FYN: variants seen among roughly 807,000 people sequenced by gnomAD.
FYN encodes FYN proto-oncogene, Src family tyrosine kinase.
FYN carries 10 observed loss-of-function variants against 70.2 expected under a neutral mutation model. The observed-to-expected ratio is 0.14, with a 90% CI of 0.09 to 0.24. FYN has a LOEUF of 0.24. FYN is among the 10% of genes least tolerant of loss of function. The probability of loss-of-function intolerance (pLI) is 1.00; values close to 1 mark genes in which losing one functional copy is unlikely to be tolerated. For missense variants in FYN, 319 were observed against 673.1 expected (o/e 0.47, Z 5.82); for synonymous variants, 236 against 248.6 (o/e 0.95, Z 0.48).
At chr6:111,664,895 A>G (rs779744091) in intron 13 of FYN, among the ~76,000 whole-genome samples, 1 of 152,224 alleles carries the variant, frequency 6.6e-6, no homozygotes, top group Non-Finnish European at 1.5e-5. Flanking sequence ...TGACAATGAC[A>G]ATTGGAATGG....
At chr6:111,692,067 G>C (rs1799344193) in intron 12 of FYN, among the ~76,000 whole-genome samples, 2 of 151,814 alleles carry the variant, frequency 1.3e-5, no homozygotes, top group South Asian at 4.2e-4. Flanking sequence ...TATTCTCCTG[G>C]GACATCCTGG....
chr6:111,838,143 T>C (rs1437502172), intron 2 of FYN, among the ~76,000 whole-genome samples: 2 of 152,132 alleles, frequency 1.3e-5, no homozygotes, highest in Non-Finnish European at 2.9e-5. Flanking sequence ...TTAGTACTCC[T>C]CATCTGAATG....
At chr6:111,674,676 A>T (rs896061537) in intron 12 of FYN, 46 bp from the exon 13 acceptor site, 3 of 1,596,990 alleles carry the variant, frequency 1.9e-6, no homozygotes, top group Non-Finnish European at 2.6e-6. Context: ...GGGCACTGCA[A>T]TGGGCATGGG....
intron 3 of FYN, among the ~76,000 whole-genome samples, chr6:111,759,527 G>A (rs1351983278): frequency 1.3e-5 from 2 of 152,078 alleles, no homozygotes; most frequent in African/African-American, 2.4e-5. Context: ...GGGTCCTCTC[G>A]CCTGCTCACT....
At position 111,683,589 on chromosome 6, in the gene FYN, C is replaced by T. The variant is rs117677731; in HGVS notation, c.1274-8959G>A. Among the ~76,000 whole-genome samples the T allele has an allele frequency of 5.2e-3, 798 of 152,316 alleles. 5 individuals carry two copies. Among genetic ancestry groups the T allele is most frequent in the Non-Finnish European group, 8.1e-3 (549 of 68,030 alleles). On this transcript the variant is annotated intron_variant, in intron 12 of 13. Transcript: ENST00000354650. Reference sequence around the variant, plus strand: ...CAAGGAGGAAACCCATTAACTTCAACAATAGACACTGTTTTTCTGAACCAA... The same window carrying T: ...CAAGGAGGAAACCCATTAACTTCAATAATAGACACTGTTTTTCTGAACCAA...
chr6:111,695,204 C>A (rs1799521688), intron 10 of FYN, among the ~76,000 whole-genome samples: 1 of 152,064 alleles, frequency 6.6e-6, no homozygotes, highest in Non-Finnish European at 1.5e-5. Context: ...AAGGTTGGGT[C>A]CAGAAACTTG....
intron 1 of FYN, among the ~76,000 whole-genome samples, chr6:111,872,252 A>T (rs1774296680): frequency 1.3e-5 from 2 of 151,746 alleles, no homozygotes; most frequent in South Asian, 4.2e-4. Context: ...AGAGGGGAGG[A>T]GCCCAAACAA....
intron 3 of FYN, among the ~76,000 whole-genome samples, chr6:111,743,035 C>T (rs1426395128): frequency 6.6e-6 from 1 of 150,566 alleles, no homozygotes; most frequent in Non-Finnish European, 1.5e-5. Context: ...GGCACGATCT[C>T]GGCTCGTTGC....
chr6:111,699,911 A>ATTTT, intron 9 of FYN, 193 bp downstream of exon 9: 1 of 500,114 alleles, frequency 2.0e-6, no homozygotes, highest in South Asian at 3.2e-5. Context: ...CCCACTTACT[A>ATTTT]TCTTTTTTTT....
chr6:111,707,427 G>T (rs1177807608), intron 6 of FYN, among the ~76,000 whole-genome samples: 1 of 152,174 alleles, frequency 6.6e-6, no homozygotes, highest in African/African-American at 2.4e-5. Context: ...TCCCAAGTTG[G>T]GGGGACACAC....
At chr6:111,861,322 A>G (rs72944233) in intron 1 of FYN, among the ~76,000 whole-genome samples, 1 of 152,202 alleles carries the variant, frequency 6.6e-6, no homozygotes, top group African/African-American at 2.4e-5. Flanking sequence ...GGTAGACATG[A>G]GCAGAATGAA....
At chr6:111,690,077 C>T (rs1180739561) in intron 12 of FYN, among the ~76,000 whole-genome samples, 1 of 152,170 alleles carries the variant, frequency 6.6e-6, no homozygotes, top group Non-Finnish European at 1.5e-5. Flanking sequence ...CCCACTGCTT[C>T]TCTCCTGCTT....
At chr6:111,804,463 C>A (rs542035651) in intron 2 of FYN, among the ~76,000 whole-genome samples, 2 of 152,120 alleles carry the variant, frequency 1.3e-5, no homozygotes, top group Non-Finnish European at 2.9e-5. Context: ...GATGCTACAT[C>A]GCAAAACCAA....
chr6:111,708,352 G>A (rs1051013050), intron 5 of FYN: 1 of 282,842 alleles, frequency 3.5e-6, no homozygotes, highest in African/African-American at 2.1e-5. Context: ...TCCAGCCTCA[G>A]CCTAATTAAG....
At chr6:111,788,505 G>A (rs970229914) in intron 2 of FYN, among the ~76,000 whole-genome samples, 3 of 152,076 alleles carry the variant, frequency 2.0e-5, no homozygotes, top group Non-Finnish European at 4.4e-5. Context: ...TCTCATTTTC[G>A]AAAGCAAAGA....
intron 2 of FYN, chr6:111,819,805 C>G (rs747420104): frequency 6.6e-5 from 10 of 152,090 alleles, no homozygotes; most frequent in Non-Finnish European, 1.2e-4. Flanking sequence ...TCATCTCCCC[C>G]ACTTTAAAAA....
At chr6:111,672,506 A>T (rs1439463258) in intron 13 of FYN, among the ~76,000 whole-genome samples, 7 of 152,200 alleles carry the variant, frequency 4.6e-5, no homozygotes, top group Admixed American at 1.3e-4. Context: ...CCATTATCAG[A>T]ATGAAGATCT....
At chr6:111,785,219 T>G (rs1404868518) in intron 2 of FYN, among the ~76,000 whole-genome samples, 1 of 152,204 alleles carries the variant, frequency 6.6e-6, no homozygotes, top group Non-Finnish European at 1.5e-5. Flanking sequence ...ACAATTCCAC[T>G]GTCCCAACTG....
intron 3 of FYN, among the ~76,000 whole-genome samples, chr6:111,770,244 AATG>A (rs1056392403): frequency 2.6e-5 from 4 of 152,208 alleles, no homozygotes; most frequent in African/African-American, 9.6e-5. Flanking sequence ...CTGTATGGTA[AATG>A]ATAATATTTT....
Sources: gnomAD v4.1 joint callset for allele counts (sites outside exome capture counted in the v4.1 genomes callset) on GRCh38, gnomAD v4.1.1 for gene constraint, MANE v1.5 for transcripts, NCBI Gene and HGNC (gene_info 2026-07-23, HGNC 2026-07-21) for gene names.